The following SPOCK1 variants were observed in gnomAD, a reference collection of about 807,000 sequenced individuals.
The protein encoded by SPOCK1 is SPARC (osteonectin), cwcv and kazal like domains proteoglycan 1, also known as testican-1.
A neutral mutation model predicts 55.3 loss-of-function variants in SPOCK1; 23 were observed. The ratio of observed to expected loss-of-function variants is 0.42; its 90% CI spans 0.30 to 0.59. SPOCK1 has a LOEUF of 0.59. Ranked by LOEUF, SPOCK1 falls within the 20% of genes least tolerant of loss-of-function variation. The pLI, the probability that SPOCK1 is intolerant of heterozygous loss-of-function variation, is 0.22. For synonymous variants in SPOCK1, 226 were observed against 221.0 expected, an observed-to-expected ratio of 1.02 and a Z score of -0.20; for missense variants, 499 against 552.5, an observed-to-expected ratio of 0.90 and a Z score of 0.97.
chr5:137,216,434 G>C lies in SPOCK1; in HGVS notation c.232+50576C>G, dbSNP rs147820967. Reference sequence around the variant, plus strand: ...TTCAAGGATCATAACAGTAAGGCCGGGTGCAGTGGCTCATGCCTGTAATCC... The same window carrying C: ...TTCAAGGATCATAACAGTAAGGCCGCGTGCAGTGGCTCATGCCTGTAATCC... On this transcript the variant is annotated intron_variant, in intron 3 of 10. Coordinates refer to ENST00000394945, the MANE Select transcript of SPOCK1 (RefSeq NM_004598.4). 3.5e-3 allele frequency among the ~76,000 whole-genome samples: 535 copies of C among 152,326 alleles called. 3 individuals are homozygous for C. Among genetic ancestry groups the C allele is most frequent in the African/African-American group, 0.013 (520 of 41,568 alleles).
chr5:137,209,361 C>G (rs779670256), intron 3 of SPOCK1, among the ~76,000 whole-genome samples: 31 of 152,160 alleles, frequency 2.0e-4, no homozygotes, highest in Middle Eastern at 3.2e-3. Context: ...CATCGCATGA[C>G]CTGCATGCTA....
intron 2 of SPOCK1, among the ~76,000 whole-genome samples, chr5:137,397,608 C>T (rs1386117158): frequency 1.3e-5 from 2 of 152,158 alleles, no homozygotes; most frequent in Non-Finnish European, 2.9e-5. Context: ...GTGGACTTTA[C>T]CTGTCTGTCC....
chr5:137,181,383 G>A (rs968171425), intron 3 of SPOCK1, among the ~76,000 whole-genome samples: 3 of 152,166 alleles, frequency 2.0e-5, no homozygotes, highest in Non-Finnish European at 4.4e-5. Context: ...CTGCTTTAGG[G>A]TCCTTCATTC....
chr5:136,988,377 A>G (rs1346817233), intron 8 of SPOCK1, 45 bp downstream of exon 8: 15 of 1,547,432 alleles, frequency 9.7e-6, no homozygotes, highest in Non-Finnish European at 1.1e-5. Flanking sequence ...CTGCTCCAGC[A>G]AGGCTGCCCT....
intron 6 of SPOCK1, among the ~76,000 whole-genome samples, chr5:137,029,922 T>C (rs571175774): frequency 6.6e-6 from 1 of 152,264 alleles, no homozygotes; most frequent in Non-Finnish European, 1.5e-5. Flanking sequence ...TTGCTCAAAT[T>C]TGCCTCCCCA....
intron 2 of SPOCK1, among the ~76,000 whole-genome samples, chr5:137,364,024 T>C (rs1751004551): frequency 6.6e-6 from 1 of 152,188 alleles, no homozygotes; most frequent in African/African-American, 2.4e-5. Flanking sequence ...CCCAGGGCCC[T>C]GCACCTGCCC....
intron 2 of SPOCK1, among the ~76,000 whole-genome samples, chr5:137,329,358 C>A (rs1296073843): frequency 6.6e-6 from 1 of 151,930 alleles, no homozygotes; most frequent in Non-Finnish European, 1.5e-5. Context: ...TATAATAAAT[C>A]TATTTATATA....
At chr5:137,331,633 T>C (rs951011111) in intron 2 of SPOCK1, among the ~76,000 whole-genome samples, 6 of 151,896 alleles carry the variant, frequency 4.0e-5, no homozygotes, top group African/African-American at 1.5e-4. Context: ...TGTCACATGG[T>C]GAGAGGGGAA....
chr5:137,412,869 T>C (rs1752238726), intron 2 of SPOCK1, among the ~76,000 whole-genome samples: 1 of 152,146 alleles, frequency 6.6e-6, no homozygotes, highest in African/African-American at 2.4e-5. Context: ...AGGACCTAAA[T>C]TTCCTTCAAC....
intron 3 of SPOCK1, among the ~76,000 whole-genome samples, chr5:137,241,099 A>G (rs1756271840): frequency 6.6e-6 from 1 of 152,200 alleles, no homozygotes; most frequent in African/African-American, 2.4e-5. Context: ...AAATCCTATT[A>G]AATTGAGGGG....
intron 2 of SPOCK1, among the ~76,000 whole-genome samples, chr5:137,417,430 G>C (rs1752362345): frequency 7.2e-6 from 1 of 139,030 alleles, no homozygotes. Flanking sequence ...GATGACTTTT[G>C]ACATTCACAT....
intron 3 of SPOCK1, among the ~76,000 whole-genome samples, chr5:137,152,349 G>A (rs1000805246): frequency 6.6e-6 from 1 of 152,096 alleles, no homozygotes; most frequent in African/African-American, 2.4e-5. Flanking sequence ...GCCACTCAAT[G>A]GCTAATTACT....
rs541096722 is a variant in SPOCK1 at position 136,975,469 on chromosome 5, G to A, written c.*3185C>T. The A allele has an allele frequency of 3.3e-5, 5 of 152,730 alleles. No individual in the cohort carries two copies. Among genetic ancestry groups the A allele is most frequent in the African/African-American group, 9.6e-5 (4 of 41,550 alleles). 9.5% of individuals were successfully genotyped at this position (152,730 alleles called of 1,614,324 possible). Reference sequence around the variant, plus strand: ...ACATCACTATTTCATCTACAATAGGGACAACAAACTGACACTCAGGATTTG... The same window carrying A: ...ACATCACTATTTCATCTACAATAGGAACAACAAACTGACACTCAGGATTTG... On this transcript the variant is annotated 3_prime_UTR_variant, in exon 11 of 11. Transcript: ENST00000394945.
intron 6 of SPOCK1, among the ~76,000 whole-genome samples, chr5:137,004,261 G>C (rs1246028571): frequency 6.6e-6 from 1 of 152,154 alleles, no homozygotes; most frequent in African/African-American, 2.4e-5. Flanking sequence ...TGCTTCCAGT[G>C]AACAAGCTGA....
chr5:137,446,168 T>C (rs986519012), intron 2 of SPOCK1, among the ~76,000 whole-genome samples: 4 of 152,226 alleles, frequency 2.6e-5, no homozygotes, highest in African/African-American at 9.6e-5. Context: ...GCCAGGCATT[T>C]ATTAACAATA....
intron 2 of SPOCK1, among the ~76,000 whole-genome samples, chr5:137,318,905 T>C (rs2950952): frequency 0.86 from 131,120 of 152,234 alleles, 56,629 homozygotes; most frequent in African/African-American, 0.92. Context: ...TGCTTCTCTG[T>C]AGGAAATCAA....
rs1289553636 is a variant in SPOCK1, at chr5:137,140,787, C to T, written c.233-93G>A. 7.8e-6 allele frequency: 6 copies of T among 771,284 alleles called. No homozygotes were observed. The Admixed American group carries it at 2.4e-4, about 31-fold the overall frequency. The allele number at this position is 771,284 out of a possible 1,614,324, so 47.8% of individuals were successfully genotyped here. ...TTTTTTTTTTTTGTTGAGACGGACT[C>T]TCGCTGTGTTGCCCAGACTGGTGTG... On this transcript the variant is annotated intron_variant, in intron 3 of 10. Transcript: ENST00000394945.
At chr5:137,338,584 G>GA (rs1469372880) in intron 2 of SPOCK1, among the ~76,000 whole-genome samples, 2 of 151,866 alleles carry the variant, frequency 1.3e-5, no homozygotes, top group African/African-American at 4.8e-5. Flanking sequence ...GATCCCTGAG[G>GA]AATCGCCACA....
chr5:137,110,104 G>C (rs990759428), intron 5 of SPOCK1, among the ~76,000 whole-genome samples: 1 of 152,184 alleles, frequency 6.6e-6, no homozygotes, highest in Non-Finnish European at 1.5e-5. Context: ...GAGCAAAAGG[G>C]GGCAGGCTCT....
Sources: allele counts gnomAD v4.1 joint callset (sites outside exome capture counted in the v4.1 genomes callset), GRCh38; gene constraint gnomAD v4.1.1; transcripts MANE v1.5; gene names NCBI Gene and HGNC (gene_info 2026-07-23, HGNC 2026-07-21).